RASGEF1A: variants seen among roughly 807,000 people sequenced by gnomAD.
RASGEF1A encodes ras-GEF domain-containing family member 1A.
In RASGEF1A, 18 loss-of-function variants were observed where a neutral mutation model predicts 56.4. The observed-to-expected ratio is 0.32, with a 90% CI of 0.22 to 0.47. The LOEUF (loss-of-function observed/expected upper bound fraction) is 0.47, where lower values mean the gene tolerates loss of function less well. Among genes scored for constraint, RASGEF1A ranks in the 20% least tolerant of loss-of-function variants. RASGEF1A has a pLI of 1.00. For missense variants in RASGEF1A, 422 were observed against 627.1 expected, an observed-to-expected ratio of 0.67 and a Z score of 3.49; for synonymous variants, 245 against 242.6, an observed-to-expected ratio of 1.01 and a Z score of -0.09.
Position 43,253,979 on chromosome 10 carries a change from C to T in RASGEF1A, c.-7+12866G>A, listed in dbSNP as rs373134053. Among the ~76,000 whole-genome samples the T allele has an allele frequency of 3.7e-4, 57 of 152,320 alleles. No homozygotes were observed. In the East Asian group the frequency reaches 0.01, roughly 27 times the overall value. On this transcript the variant is annotated intron_variant, in intron 1 of 12. Transcript: ENST00000395810. ...CCCCTCTAGGGCTCACCCGGCAGTGCCCCTAAGCTGGGCCTGGGGCAGGCC... is the reference window on the plus strand; with the variant it reads ...CCCCTCTAGGGCTCACCCGGCAGTGTCCCTAAGCTGGGCCTGGGGCAGGCC...
At chr10:43,216,600 G>C (rs1396546282) in intron 1 of RASGEF1A, among the ~76,000 whole-genome samples, 2 of 152,192 alleles carry the variant, frequency 1.3e-5, no homozygotes, top group Non-Finnish European at 2.9e-5. Flanking sequence ...CTGGATAGTA[G>C]ACAGTGCTAG....
intron 1 of RASGEF1A, among the ~76,000 whole-genome samples, chr10:43,238,289 T>C (rs929636396): frequency 6.6e-6 from 1 of 152,050 alleles, no homozygotes; most frequent in Non-Finnish European, 1.5e-5. Flanking sequence ...GGGGGTGTTG[T>C]ATCGCAGATT....
rs962981974 is a variant in RASGEF1A at position 43,207,174 on chromosome 10, C to T, written c.-6-1052G>A. The T allele has an allele frequency of 5.1e-6, 5 of 985,354 alleles. No homozygotes were observed. In the African/African-American group the frequency reaches 7.0e-5, roughly 14 times the overall value. 61.0% of individuals were successfully genotyped at this position (985,354 alleles called of 1,614,324 possible). ...TGGCCTTGCCTGCACACAGAGCCAG[C>T]CTCAACCTCCTGGCCCTCAAGGGAA... is the stretch of plus-strand genomic sequence containing the variant. On this transcript the variant is annotated intron_variant, in intron 1 of 12. Transcript: ENST00000395810.
At chr10:43,243,465 GGC>G (rs1365479977) in intron 1 of RASGEF1A, among the ~76,000 whole-genome samples, 1 of 136,642 alleles carries the variant, frequency 7.3e-6, no homozygotes, top group Non-Finnish European at 1.6e-5. Context: ...GGAAGTGAGG[GGC>G]GTCTTTACCC....
chr10:43,251,944 C>T (rs1840631763), intron 1 of RASGEF1A, among the ~76,000 whole-genome samples: 2 of 152,218 alleles, frequency 1.3e-5, no homozygotes, highest in African/African-American at 4.8e-5. Context: ...ACAAGACGGA[C>T]CCCTGGTGAT....
intron 1 of RASGEF1A, chr10:43,229,610 T>A: frequency 6.7e-7 from 1 of 1,486,236 alleles, no homozygotes; most frequent in East Asian, 2.8e-5. Context: ...CCCCGCGGCC[T>A]TGCGCCTGGG....
At chr10:43,241,126 G>A (rs2460546) in intron 1 of RASGEF1A, among the ~76,000 whole-genome samples, 2,928 of 152,154 alleles carry the variant, frequency 0.019, 44 homozygotes, top group Middle Eastern at 0.041. Flanking sequence ...GAAATCATGT[G>A]AAAAAATAAA....
rs559005353 is a variant in RASGEF1A, at chr10:43,259,716, G to C, written c.-7+7129C>G. ...CACAGAACAAGCACTCAGAAGCCAG[G>C]TGCCACCGCTGCACGTTCAGGGGCT... On this transcript the variant is annotated intron_variant, in intron 1 of 12. Transcript: ENST00000395810. Among the ~76,000 whole-genome samples, 128 of 152,322 alleles carry C rather than the reference G, an allele frequency of 8.4e-4. 1 individual carries two copies. Among genetic ancestry groups the C allele is most frequent in the East Asian group, 1.7e-3 (9 of 5,184 alleles).
chr10:43,241,988 A>T (rs901162014), intron 1 of RASGEF1A, among the ~76,000 whole-genome samples: 1 of 152,180 alleles, frequency 6.6e-6, no homozygotes, highest in African/African-American at 2.4e-5. Flanking sequence ...ATACAAAAAA[A>T]TTAGCCAGGC....
chr10:43,227,344 C>A (rs1840293398), intron 1 of RASGEF1A, among the ~76,000 whole-genome samples: 1 of 152,048 alleles, frequency 6.6e-6, no homozygotes, highest in South Asian at 2.1e-4. Flanking sequence ...AGTATGTGAC[C>A]CTGGGTTGTG....
intron 1 of RASGEF1A, among the ~76,000 whole-genome samples, chr10:43,231,719 C>T (rs1840370110): frequency 6.6e-6 from 1 of 152,264 alleles, no homozygotes; most frequent in Non-Finnish European, 1.5e-5. Flanking sequence ...TGTGACCTGA[C>T]CCACATCCTT....
chr10:43,241,750 T>A (rs985455880), intron 1 of RASGEF1A, among the ~76,000 whole-genome samples: 2 of 151,606 alleles, frequency 1.3e-5, no homozygotes, highest in African/African-American at 4.9e-5. Flanking sequence ...CAGTTAAGAG[T>A]CAGAGATTAT....
At chr10:43,254,539 T>C (rs895691755) in intron 1 of RASGEF1A, among the ~76,000 whole-genome samples, 3 of 152,204 alleles carry the variant, frequency 2.0e-5, no homozygotes, top group African/African-American at 7.2e-5. Context: ...CCCCCGGACC[T>C]GGTCTACTGT....
In RASGEF1A at chr10:43,196,834, A is replaced by C; in HGVS notation, c.1348+142T>G. 1 of 1,031,584 alleles carries C rather than the reference A, an allele frequency of 9.7e-7. No individual in the cohort carries two copies. Among genetic ancestry groups the C allele is most frequent in the Non-Finnish European group, 1.4e-6 (1 of 716,350 alleles). 63.9% of individuals were successfully genotyped at this position (1,031,584 alleles called of 1,614,324 possible). ...CATCCCATGACCCACCCTCATGCAC[A>C]CTCGCCCCTGCGAGCAGAGCCAGCC... On this transcript the variant is annotated intron_variant, in intron 11 of 12. Coordinates refer to ENST00000395810, the MANE Select transcript of RASGEF1A (RefSeq NM_145313.4). This position sits in a 1 kb window ranked among gnomAD's most constrained non-coding sequence, Gnocchi z 4.6.
In RASGEF1A at chr10:43,201,922, G is replaced by A. The variant is rs1243885888; in HGVS notation, c.345C>T (p.Ala115=). 1.2e-6 allele frequency: 2 copies of A among 1,609,422 alleles called. No homozygotes were observed. The highest frequency in any genetic ancestry group is 2.2e-5 in the South Asian group (2 of 90,588). ...ACTCCTTCAGGAGCTGCACGATCTT[G>A]GCTGAGAAAGACTTCAGCTTGGCCT... is the stretch of plus-strand genomic sequence containing the variant. ...PEKAKLKSFS[A]KIVQLLKEWT... is the part of the protein sequence containing the mutation. Residue 115 remains alanine, a synonymous_variant, in exon 4 of 13, where the codon GCC becomes GCT. Coordinates refer to ENST00000395810, the MANE Select transcript of RASGEF1A (RefSeq NM_145313.4).
At chr10:43,254,500 G>C (rs189587950) in intron 1 of RASGEF1A, among the ~76,000 whole-genome samples, 1 of 152,188 alleles carries the variant, frequency 6.6e-6, no homozygotes, top group East Asian at 1.9e-4. Context: ...TCTCCACCTC[G>C]GGCCTCACGG....
chr10:43,199,784 C>A lies in RASGEF1A; in HGVS notation c.757-16G>T. ...CCCCTCGGCACTGGAAAGGACACAG[C>A]AGGTCATAGGGGGCCTGGAGGACCA... On this transcript the variant is annotated splice_polypyrimidine_tract_variant and intron_variant, in intron 6 of 12. Coordinates refer to ENST00000395810, the MANE Select transcript of RASGEF1A (RefSeq NM_145313.4). 6.2e-7 allele frequency: 1 copy of A among 1,607,098 alleles called. No individual in the cohort carries two copies. The highest frequency in any genetic ancestry group is 2.2e-5 in the East Asian group (1 of 44,850).
Position 43,196,882 on chromosome 10 carries a change from C to G in RASGEF1A, c.1348+94G>C. 1 of 1,474,836 alleles carries G rather than the reference C, an allele frequency of 6.8e-7. No individual in the cohort carries two copies. The highest frequency in any genetic ancestry group is 9.2e-7 in the Non-Finnish European group (1 of 1,082,836). 91.4% of individuals were successfully genotyped at this position (1,474,836 alleles called of 1,614,324 possible). A position where few individuals can be genotyped will look rare whatever the true frequency, so the allele number is the denominator to read the frequency against. ...GCCCTGTGTGGCATGGAGCAGCCAG[C>G]AGGCCATCTCCCAGGGCAACCCCAA... On this transcript the variant is annotated intron_variant, in intron 11 of 12. Coordinates refer to ENST00000395810, the MANE Select transcript of RASGEF1A (RefSeq NM_145313.4). The surrounding 1 kb of genome is among the most constrained non-coding windows in gnomAD (Gnocchi z 4.6).
chr10:43,242,272 A>T (rs1178884315), intron 1 of RASGEF1A, among the ~76,000 whole-genome samples: 1 of 152,254 alleles, frequency 6.6e-6, no homozygotes, highest in African/African-American at 2.4e-5. Flanking sequence ...ACTAGAGACA[A>T]AGAAGGATAT....
Sources: allele counts gnomAD v4.1 joint callset (sites outside exome capture counted in the v4.1 genomes callset), GRCh38; gene constraint gnomAD v4.1.1; non-coding constraint Gnocchi (gnomAD v3.1); transcripts MANE v1.5; gene names NCBI Gene and HGNC (gene_info 2026-07-23, HGNC 2026-07-21).